SMOC2: variants seen among roughly 807,000 people sequenced by gnomAD.
The protein encoded by SMOC2 is SPARC-related modular calcium-binding protein 2.
In SMOC2, 39 loss-of-function variants were observed where a neutral mutation model predicts 61.4. The ratio of observed to expected loss-of-function variants is 0.64; its 90% CI spans 0.49 to 0.83. SMOC2 has a LOEUF of 0.83. Among genes scored for constraint, SMOC2 ranks in the 40% least tolerant of loss-of-function variants. SMOC2 has a pLI of 0.00. For synonymous variants in SMOC2, 247 were observed against 239.9 expected, an observed-to-expected ratio of 1.03 and a Z score of -0.27; for missense variants, 556 against 592.9, an observed-to-expected ratio of 0.94 and a Z score of 0.65.
chr6:168,514,591 G>T (rs571763784), intron 2 of SMOC2, among the ~76,000 whole-genome samples: 25 of 152,358 alleles, frequency 1.6e-4, no homozygotes, highest in African/African-American at 6.0e-4. Context: ...TCTGTGCTGA[G>T]AAAGGAGAAA....
intron 11 of SMOC2, among the ~76,000 whole-genome samples, chr6:168,653,653 TA>T (rs1562406910): frequency 6.5e-3 from 437 of 67,226 alleles, no homozygotes; most frequent in African/African-American, 0.027. Flanking sequence ...ACCAACCCTC[TA>T]CCTGAGCTCC....
intron 8 of SMOC2, among the ~76,000 whole-genome samples, chr6:168,600,503 C>T (rs1465352145): frequency 6.6e-6 from 1 of 151,316 alleles, no homozygotes; most frequent in African/African-American, 2.4e-5. Context: ...CCTCCAAAAG[C>T]ACCCGAGTGG....
chr6:168,483,202 C>A (rs936968900), intron 1 of SMOC2, among the ~76,000 whole-genome samples: 29 of 151,912 alleles, frequency 1.9e-4, no homozygotes, highest in African/African-American at 5.8e-4. Flanking sequence ...CACACACACA[C>A]ACAAAAAAAC....
intron 9 of SMOC2, among the ~76,000 whole-genome samples, chr6:168,639,925 G>A (rs1389975153): frequency 6.6e-6 from 1 of 152,212 alleles, no homozygotes; most frequent in African/African-American, 2.4e-5. Flanking sequence ...GGGAGCCCTC[G>A]GTTCATGTGC....
chr6:168,645,730 G>A (rs531553724), intron 9 of SMOC2, among the ~76,000 whole-genome samples: 1 of 152,274 alleles, frequency 6.6e-6, no homozygotes, highest in African/African-American at 2.4e-5. Context: ...ACCGAGAGAA[G>A]CGGTTTCCCC....
chr6:168,580,084 G>A (rs9456214), intron 7 of SMOC2, among the ~76,000 whole-genome samples: 3 of 151,912 alleles, frequency 2.0e-5, no homozygotes, highest in Non-Finnish European at 2.9e-5. Flanking sequence ...TCTTTGTCAC[G>A]GCTTAAGACG....
At chr6:168,519,054 T>C (rs1783251436) in intron 2 of SMOC2, among the ~76,000 whole-genome samples, 1 of 151,078 alleles carries the variant, frequency 6.6e-6, no homozygotes, top group African/African-American at 2.4e-5. Context: ...TGTGTGAGCA[T>C]GCATATGTGT....
rs913160846 is a variant in SMOC2 at position 168,608,522 on chromosome 6, C to T, written c.907+283C>T. On this transcript the variant is annotated intron_variant, in intron 9 of 12. Transcript: ENST00000356284. The stretch of plus-strand genomic sequence containing the variant: ...CCTCACAAATCAGATCAGCACACAG[C>T]ACCCTAACCTCTCTAGATGCTCCTG... Among the ~76,000 whole-genome samples the T allele has an allele frequency of 3.3e-5, 5 of 152,314 alleles. 1 individual carries two copies. The highest frequency in any genetic ancestry group is 1.5e-5 in the Non-Finnish European group (1 of 68,042).
rs1354203151 is a variant in SMOC2 at position 168,624,980 on chromosome 6, CCACCACCAG to C, written c.907+16744_907+16752del. Among the ~76,000 whole-genome samples the C allele has an allele frequency of 6.8e-4, 103 of 152,240 alleles. No homozygotes were observed. In the South Asian group the frequency reaches 7.7e-3, roughly 11 times the overall value. ...TCACACAGACACATGCACACCACCA[CCACCACCAG>C]CAGCACCATCTGGGTCAGATTGGAA... On this transcript the variant is annotated intron_variant, in intron 9 of 12. Transcript: ENST00000356284.
At chr6:168,494,348 G>A (rs746304236) in intron 1 of SMOC2, among the ~76,000 whole-genome samples, 7 of 152,156 alleles carry the variant, frequency 4.6e-5, no homozygotes, top group Admixed American at 2.0e-4. Context: ...CAGCAGACAC[G>A]CACCTAATGC....
chr6:168,467,136 A>AC (rs1781853992), intron 1 of SMOC2, among the ~76,000 whole-genome samples: 3 of 133,332 alleles, frequency 2.3e-5, no homozygotes, highest in Non-Finnish European at 4.8e-5. Flanking sequence ...AGTGCTCTCA[A>AC]ACACACACAC....
At chr6:168,488,628 G>A (rs1257148062) in intron 1 of SMOC2, among the ~76,000 whole-genome samples, 1 of 152,198 alleles carries the variant, frequency 6.6e-6, no homozygotes, top group Non-Finnish European at 1.5e-5. Flanking sequence ...GTTCTCAATC[G>A]AATCGTCTGG....
chr6:168,480,799 G>C (rs939909788), intron 1 of SMOC2, among the ~76,000 whole-genome samples: 19 of 152,166 alleles, frequency 1.2e-4, no homozygotes, highest in African/African-American at 4.6e-4. Flanking sequence ...TAGACAAAGA[G>C]AATTTTGAAA....
At chr6:168,456,871 C>T (rs1416927175) in intron 1 of SMOC2, among the ~76,000 whole-genome samples, 3 of 152,092 alleles carry the variant, frequency 2.0e-5, no homozygotes, top group South Asian at 2.1e-4. Context: ...ACGGGTGGGT[C>T]GTCATGTCCA....
At position 168,493,803 on chromosome 6, in the gene SMOC2, G is replaced by T. The variant is rs183823974; in HGVS notation, c.85-16112G>T. ...CTTTTCTTAGTTAAATGACAGCCAA[G>T]AAAATAAATTTCATCTGAATATTTA... On this transcript the variant is annotated intron_variant, in intron 1 of 12. Coordinates refer to ENST00000356284, the MANE Select transcript of SMOC2 (RefSeq NM_001166412.2). Among the ~76,000 whole-genome samples, 322 of 152,270 alleles carry T rather than the reference G, an allele frequency of 2.1e-3. 2 individuals carry two copies. The highest frequency in any genetic ancestry group is 3.9e-3 in the Admixed American group (59 of 15,300).
chr6:168,446,269 A>T (rs540604843), intron 1 of SMOC2, among the ~76,000 whole-genome samples: 1 of 152,344 alleles, frequency 6.6e-6, no homozygotes, highest in South Asian at 2.1e-4. Flanking sequence ...AGGCTGAGAC[A>T]GGGGAATTCA....
intron 1 of SMOC2, among the ~76,000 whole-genome samples, chr6:168,456,881 A>G (rs1781599043): frequency 6.6e-6 from 1 of 152,172 alleles, no homozygotes; most frequent in East Asian, 1.9e-4. Context: ...CGTCATGTCC[A>G]CCGAGGTGAA....
chr6:168,637,091 T>A (rs1786759071), intron 9 of SMOC2, among the ~76,000 whole-genome samples: 1 of 151,990 alleles, frequency 6.6e-6, no homozygotes, highest in African/African-American at 2.4e-5. Flanking sequence ...GTTTGTTTAT[T>A]TTTTCACTTT....
At chr6:168,518,555 G>A (rs1283349397) in intron 2 of SMOC2, among the ~76,000 whole-genome samples, 1 of 151,500 alleles carries the variant, frequency 6.6e-6, no homozygotes, top group Non-Finnish European at 1.5e-5. Flanking sequence ...GTATGCTTGT[G>A]TGAGTGCATG....
Sources: allele counts gnomAD v4.1 joint callset (sites outside exome capture counted in the v4.1 genomes callset), GRCh38; gene constraint gnomAD v4.1.1; transcripts MANE v1.5; gene names NCBI Gene and HGNC (gene_info 2026-07-23, HGNC 2026-07-21).